Variants in GNA15 observed in about 807,000 individuals in gnomAD.
GNA15 encodes guanine nucleotide-binding protein subunit alpha-15.
GNA15 carries 23 observed loss-of-function variants against 40.1 expected under a neutral mutation model. The observed-to-expected ratio is 0.57, with a 90% CI of 0.41 to 0.81. GNA15 has a LOEUF of 0.81. Among genes scored for constraint, GNA15 ranks in the 40% least tolerant of loss-of-function variants. The pLI, the probability that GNA15 is intolerant of heterozygous loss-of-function variation, is 0.00. For synonymous variants in GNA15, 226 were observed against 210.4 expected, an observed-to-expected ratio of 1.07 and a Z score of -0.64; for missense variants, 522 against 515.8, an observed-to-expected ratio of 1.01 and a Z score of -0.12.
chr19:3,155,761 G>C lies in GNA15; in HGVS notation c.615-62G>C. The stretch of plus-strand genomic sequence containing the variant: ...CTTGGCATATCCCAGACGTGATGGG[G>C]GTTGGGGGTGTCACGGAGCAGGCTC... On this transcript the variant is annotated intron_variant, in intron 4 of 6. Transcript: ENST00000262958. This position sits in a 1 kb window ranked among gnomAD's most constrained non-coding sequence, Gnocchi z 5.6. 2 of 1,578,260 alleles carry C rather than the reference G, an allele frequency of 1.3e-6. No individual in the cohort carries two copies. The highest frequency in any genetic ancestry group is 1.7e-6 in the Non-Finnish European group (2 of 1,163,268).
At chr19:3,158,019 C>T (rs1915070224) in intron 6 of GNA15, 138 bp downstream of exon 6, 1 of 676,304 alleles carries the variant, frequency 1.5e-6, no homozygotes, top group African/African-American at 1.8e-5. Context: ...GACTCAGCTC[C>T]ATCCACTGCC....
rs1251801529 is a variant in GNA15, at chr19:3,155,968, C to T, written c.744+16C>T. The T allele has an allele frequency of 3.1e-6, 5 of 1,611,880 alleles. No individual in the cohort carries two copies. Among genetic ancestry groups the T allele is most frequent in the Non-Finnish European group, 3.4e-6 (4 of 1,178,542 alleles). ...CAACCAGGAGGTGCGCCACCGCCTC[C>T]CTCGCCCTGCCCACTTGTTGGCCCA... On this transcript the variant is annotated intron_variant, in intron 5 of 6. Transcript: ENST00000262958. The surrounding 1 kb of genome is among the most constrained non-coding windows in gnomAD (Gnocchi z 5.6).
At chr19:3,138,407 A>G (rs1914500603) in intron 1 of GNA15, among the ~76,000 whole-genome samples, 1 of 152,110 alleles carries the variant, frequency 6.6e-6, no homozygotes, top group Admixed American at 6.6e-5. Context: ...GGGATCCCCG[A>G]GCTCTGGGTT....
rs1914469612 is a variant in GNA15 at position 3,136,845 on chromosome 19, T to C, written c.145+250T>C. Reference sequence around the variant, plus strand: ...CCAGGCCTGTCCACTGTGTGGGGCATATACAATAGCAGACGTGGCTCTACC... The same window carrying C: ...CCAGGCCTGTCCACTGTGTGGGGCACATACAATAGCAGACGTGGCTCTACC... On this transcript the variant is annotated intron_variant, in intron 1 of 6. Coordinates refer to ENST00000262958, the MANE Select transcript of GNA15 (RefSeq NM_002068.4). This position sits in a 1 kb window ranked among gnomAD's most constrained non-coding sequence, Gnocchi z 4.9. Among the ~76,000 whole-genome samples the C allele has an allele frequency of 6.6e-6, 1 of 152,232 alleles. No homozygotes were observed. The highest frequency in any genetic ancestry group is 1.5e-5 in the Non-Finnish European group (1 of 68,038).
intron 1 of GNA15, chr19:3,141,478 C>T (rs1009256564): frequency 6.6e-6 from 1 of 152,128 alleles, no homozygotes; most frequent in Non-Finnish European, 1.5e-5. Flanking sequence ...TCACGGCAAC[C>T]TTTGCCTCCT....
intron 1 of GNA15, among the ~76,000 whole-genome samples, chr19:3,139,525 G>C (rs1157008369): frequency 6.7e-6 from 1 of 149,064 alleles, no homozygotes; most frequent in Non-Finnish European, 1.5e-5. Flanking sequence ...AGCCTGGGAG[G>C]TTGAGGCTGC....
chr19:3,150,553 G>A (rs1160375198), intron 3 of GNA15, among the ~76,000 whole-genome samples: 1 of 151,766 alleles, frequency 6.6e-6, no homozygotes, highest in Non-Finnish European at 1.5e-5. Context: ...CGGTGATCTT[G>A]TTCTTGGAAT....
In GNA15 at chr19:3,162,898, G is replaced by T. The variant is rs1915172756; in HGVS notation, c.1004G>T (p.Arg335Leu). 1.1e-5 allele frequency: 18 copies of T among 1,613,856 alleles called. No individual in the cohort carries two copies. Among genetic ancestry groups the T allele is most frequent in the Non-Finnish European group, 1.5e-5 (18 of 1,179,780 alleles). ...DGPEGSKKGA[R>L]SRRLFSHYTC... ...CCCGAGGGCAGCAAGAAGGGCGCAC[G>T]ATCCCGACGCCTCTTCAGCCACTAC... The change falls in exon 7 of 7, where the codon CGA (arginine) becomes CTA (leucine). Residue 335 changes from arginine (R) to leucine (L), a missense_variant. Physicochemically the swap from Arg to Leu is moderately radical, Grantham distance 102. Transcript: ENST00000262958.
intron 1 of GNA15, among the ~76,000 whole-genome samples, chr19:3,144,333 G>A (rs1315240874): frequency 2.0e-5 from 3 of 151,906 alleles, no homozygotes; most frequent in East Asian, 1.9e-4. Context: ...ACGGGTGGGA[G>A]GATGTTTGTT....
In GNA15 at chr19:3,150,271, C is replaced by G. The variant is rs145131651; in HGVS notation, c.471C>G (p.Leu157=). 3.0e-4 allele frequency: 482 copies of G among 1,595,094 alleles called. 2 individuals carry two copies. In the African/African-American group the frequency reaches 5.5e-3, roughly 18 times the overall value. The change falls in exon 3 of 7, where the codon CTC becomes CTG. Residue 157 remains leucine (L), a synonymous_variant. Transcript: ENST00000262958. Reference sequence around the variant, plus strand: ...AGCGTCGGCGGGAATTCCACCTGCTCGATTCAGCCGTGTAGTGAGTCTGGG... The same window carrying G: ...AGCGTCGGCGGGAATTCCACCTGCTGGATTCAGCCGTGTAGTGAGTCTGGG... ...CYERRREFHL[L]DSAVYYLSHL... is the part of the protein sequence containing the mutation.
In GNA15 at chr19:3,162,789, C is replaced by G. The variant is rs749511217; in HGVS notation, c.899-4C>G. ...CTCACCCCCTTCCCACACTGTTTCC[C>G]CAGGCCCTAAGCAGGATGCTGAGGC... On this transcript the variant is annotated splice_region_variant and splice_polypyrimidine_tract_variant and intron_variant, in intron 6 of 6. Coordinates refer to ENST00000262958, the MANE Select transcript of GNA15 (RefSeq NM_002068.4). 1.2e-6 allele frequency: 2 copies of G among 1,608,500 alleles called. No homozygotes were observed. The highest frequency in any genetic ancestry group is 8.5e-7 in the Non-Finnish European group (1 of 1,175,046).
intron 1 of GNA15, among the ~76,000 whole-genome samples, chr19:3,146,920 C>T (rs1914736252): frequency 6.6e-6 from 1 of 152,152 alleles, no homozygotes; most frequent in Non-Finnish European, 1.5e-5. Context: ...CTCTCTCCCC[C>T]TCCTCACTCT....
rs543401583 is a variant in GNA15, at chr19:3,163,628, A to G, written c.*609A>G. 6.5e-6 allele frequency: 1 copy of G among 153,088 alleles called. No homozygotes were observed. Among genetic ancestry groups the G allele is most frequent in the Non-Finnish European group, 1.5e-5 (1 of 68,612 alleles). 9.5% of individuals were successfully genotyped at this position (153,088 alleles called of 1,614,324 possible). A position where few individuals can be genotyped will look rare whatever the true frequency, so the allele number is the denominator to read the frequency against. On this transcript the variant is annotated 3_prime_UTR_variant, in exon 7 of 7. Coordinates refer to ENST00000262958, the MANE Select transcript of GNA15 (RefSeq NM_002068.4). ...GCGGACGAGAGAAATCGCGGCCCAC[A>G]AGCATCCCCCCATCCCTTGCAGGCT...
At chr19:3,156,248 C>T (rs1915015002) in intron 5 of GNA15, among the ~76,000 whole-genome samples, 1 of 134,032 alleles carries the variant, frequency 7.5e-6, no homozygotes, top group South Asian at 2.4e-4. Flanking sequence ...CACAAACACG[C>T]ACAGACACGT....
intron 2 of GNA15, chr19:3,149,049 TCACA>T (rs1173835197): frequency 2.4e-6 from 1 of 411,668 alleles, no homozygotes; most frequent in Non-Finnish European, 4.4e-6. Context: ...ACGTACATGC[TCACA>T]AAGATACACA....
chr19:3,139,747 A>G (rs1914533088), intron 1 of GNA15, among the ~76,000 whole-genome samples: 1 of 152,098 alleles, frequency 6.6e-6, no homozygotes. Flanking sequence ...AAAATATAAA[A>G]AATCAGGGCT....
At chr19:3,160,137 C>A (rs1280354619) in intron 6 of GNA15, among the ~76,000 whole-genome samples, 2 of 152,186 alleles carry the variant, frequency 1.3e-5, no homozygotes, top group Admixed American at 6.5e-5. Context: ...TGGGTAAGTT[C>A]ATCTCTGATC....
At chr19:3,139,754 G>A (rs1425354295) in intron 1 of GNA15, among the ~76,000 whole-genome samples, 3 of 151,706 alleles carry the variant, frequency 2.0e-5, no homozygotes, top group Non-Finnish European at 4.4e-5. Context: ...AAAAAATCAG[G>A]GCTGGGTGCG....
rs900018933 is a variant in GNA15 at position 3,151,276 on chromosome 19, G to A, written c.486-431G>A. On this transcript the variant is annotated intron_variant, in intron 3 of 6. Coordinates refer to ENST00000262958, the MANE Select transcript of GNA15 (RefSeq NM_002068.4). This position sits in a 1 kb window ranked among gnomAD's most constrained non-coding sequence, Gnocchi z 5.0. ...TTCCTAAAGTGACCCTGTTTTAGGG[G>A]GGACTCTGTTCCAGGGGAGACCCTG... 6.6e-6 allele frequency among the ~76,000 whole-genome samples: 1 copy of A among 152,026 alleles called. No individual in the cohort carries two copies. Among genetic ancestry groups the A allele is most frequent in the Non-Finnish European group, 1.5e-5 (1 of 67,930 alleles).
Sources: gnomAD v4.1 joint callset for allele counts (sites outside exome capture counted in the v4.1 genomes callset) on GRCh38, gnomAD v4.1.1 for gene constraint, Gnocchi (gnomAD v3.1) non-coding constraint, MANE v1.5 for transcripts, NCBI Gene and HGNC (gene_info 2026-07-23, HGNC 2026-07-21) for gene names.